Variants in NRXN1 observed in about 807,000 individuals in gnomAD.
NRXN1 encodes neurexin 1.
NRXN1 carries 39 observed loss-of-function variants against 150.9 expected under a neutral mutation model. The ratio of observed to expected loss-of-function variants is 0.26; its 90% confidence interval spans 0.20 to 0.34. NRXN1 has a LOEUF of 0.34. NRXN1 is among the 10% of genes least tolerant of loss of function. The probability of loss-of-function intolerance (pLI) is 1.00; values close to 1 mark genes in which losing one functional copy is unlikely to be tolerated. For missense variants in NRXN1, 1,815 were observed against 1,949.9 expected (o/e 0.93, Z 1.30); for synonymous variants, 924 against 757.0 (o/e 1.22, Z -3.62).
chr2:50,538,595 G>C lies in NRXN1; in HGVS notation c.1801C>G (p.Pro601Ala). 3.2e-6 allele frequency: 5 copies of C among 1,549,790 alleles called. No individual in the cohort carries two copies. The highest frequency in any genetic ancestry group is 4.4e-6 in the Non-Finnish European group (5 of 1,146,790). ...VNTLRTPYTAPGESEILDLDD... is the reference protein window; with the variant it reads ...VNTLRTPYTAAGESEILDLDD... ...AGGTCCAGAATCTCACTCTCACCAGGAGCAGTGTAGGGAGTACGCAACGTG... is the reference window on the plus strand; with the variant it reads ...AGGTCCAGAATCTCACTCTCACCAGCAGCAGTGTAGGGAGTACGCAACGTG... The change falls in exon 10 of 23, where the codon CCT (proline) becomes GCT (alanine). Residue 601 changes from proline (P) to alanine (A), a missense_variant. Physicochemically the swap from Pro to Ala is conservative, Grantham distance 27 (BLOSUM62 -1). This residue lies in a region of NRXN1 where 638 missense variants were observed against 652.6 expected (regional missense o/e 0.98). Transcript: ENST00000401669.
chr2:50,327,895 C>T (rs1008323179), intron 17 of NRXN1, among the ~76,000 whole-genome samples: 6 of 152,132 alleles, frequency 3.9e-5, no homozygotes, highest in Admixed American at 1.3e-4. Flanking sequence ...AGTAATCTCC[C>T]GCCTTGGCCT....
chr2:50,746,091 C>A (rs902273452), intron 5 of NRXN1, among the ~76,000 whole-genome samples: 30 of 152,110 alleles, frequency 2.0e-4, no homozygotes, highest in African/African-American at 7.0e-4. Context: ...TTTCTCCTGG[C>A]ACCCAAATTT....
chr2:50,263,830 A>T (rs2068564966), intron 17 of NRXN1, among the ~76,000 whole-genome samples: 1 of 152,130 alleles, frequency 6.6e-6, no homozygotes, highest in South Asian at 2.1e-4. Context: ...GAGTCAACAT[A>T]ACTTTGTATC....
At chr2:50,871,101 A>G (rs1328427973) in intron 5 of NRXN1, among the ~76,000 whole-genome samples, 2 of 151,890 alleles carry the variant, frequency 1.3e-5, no homozygotes, top group Admixed American at 1.3e-4. Flanking sequence ...TAATCAGAAA[A>G]GTCTATTAAT....
intron 17 of NRXN1, among the ~76,000 whole-genome samples, chr2:50,407,623 T>G (rs2082844831): frequency 6.6e-6 from 1 of 151,986 alleles, no homozygotes; most frequent in South Asian, 2.1e-4. Flanking sequence ...GATTAATGGG[T>G]CATCATGGGA....
At chr2:50,683,257 C>T (rs1690678899) in intron 5 of NRXN1, among the ~76,000 whole-genome samples, 2 of 151,866 alleles carry the variant, frequency 1.3e-5, no homozygotes, top group South Asian at 2.1e-4. Context: ...CTGTTGCTCT[C>T]GCATGGAAGT....
At chr2:50,500,026 G>A (rs2091866358) in intron 13 of NRXN1, among the ~76,000 whole-genome samples, 1 of 150,088 alleles carries the variant, frequency 6.7e-6, no homozygotes, top group Non-Finnish European at 1.5e-5. Flanking sequence ...ATTAAAATAT[G>A]AGCCTTAACT....
intron 17 of NRXN1, among the ~76,000 whole-genome samples, chr2:50,438,074 T>A (rs1157141691): frequency 6.6e-6 from 1 of 152,188 alleles, no homozygotes; most frequent in Non-Finnish European, 1.5e-5. Flanking sequence ...TTCTTCCACC[T>A]GGGGCTCTAT....
chr2:50,962,146 A>C (rs1377049668), intron 2 of NRXN1, among the ~76,000 whole-genome samples: 2 of 151,766 alleles, frequency 1.3e-5, no homozygotes, highest in East Asian at 1.9e-4. Context: ...TTGTATTGAG[A>C]GTTTCCCATA....
intron 17 of NRXN1, among the ~76,000 whole-genome samples, chr2:50,376,572 G>A (rs1381998298): frequency 1.3e-5 from 2 of 152,116 alleles, no homozygotes; most frequent in African/African-American, 2.4e-5. Context: ...GTGTTGCTCA[G>A]AAAGGTATGA....
chr2:50,579,740 AG>A (rs1671972504), intron 8 of NRXN1, among the ~76,000 whole-genome samples: 1 of 152,218 alleles, frequency 6.6e-6, no homozygotes, highest in Non-Finnish European at 1.5e-5. Flanking sequence ...AAGATTCACA[AG>A]GTTGCATTAT....
At chr2:50,661,094 T>C (rs1360595744) in intron 5 of NRXN1, among the ~76,000 whole-genome samples, 2 of 152,006 alleles carry the variant, frequency 1.3e-5, no homozygotes, top group Admixed American at 6.6e-5. Context: ...CCCATATATA[T>C]ATACTAGTAT....
At chr2:51,018,564 C>T (rs1385092936) in intron 2 of NRXN1, among the ~76,000 whole-genome samples, 4 of 152,064 alleles carry the variant, frequency 2.6e-5, no homozygotes, top group Non-Finnish European at 5.9e-5. Context: ...GCCAAACACG[C>T]TTAGCCAAAA....
At chr2:50,586,805 T>G (rs1673186227) in intron 8 of NRXN1, among the ~76,000 whole-genome samples, 1 of 152,150 alleles carries the variant, frequency 6.6e-6, no homozygotes, top group Non-Finnish European at 1.5e-5. Context: ...GAGGTACAGG[T>G]AGATAAATGT....
chr2:50,995,354 T>C (rs925574642), intron 2 of NRXN1, among the ~76,000 whole-genome samples: 4 of 152,028 alleles, frequency 2.6e-5, no homozygotes, highest in Admixed American at 6.6e-5. Context: ...TCCCAGCACT[T>C]TGTGAGGCCG....
At chr2:50,763,165 T>C (rs183605052) in intron 5 of NRXN1, among the ~76,000 whole-genome samples, 4 of 152,106 alleles carry the variant, frequency 2.6e-5, no homozygotes, top group Non-Finnish European at 4.4e-5. Flanking sequence ...CCCAAGTTTC[T>C]GTAAGAATCG....
At chr2:50,208,717 A>T (rs2062794440) in intron 18 of NRXN1, among the ~76,000 whole-genome samples, 1 of 152,036 alleles carries the variant, frequency 6.6e-6, no homozygotes, top group African/African-American at 2.4e-5. Context: ...ACATTCAGGG[A>T]CAACAAGCAA....
intron 2 of NRXN1, among the ~76,000 whole-genome samples, chr2:50,973,476 C>T (rs1164559081): frequency 6.6e-6 from 1 of 152,154 alleles, no homozygotes; most frequent in Non-Finnish European, 1.5e-5. Flanking sequence ...GGAATGCCTA[C>T]TAAGTACACA....
intron 22 of NRXN1, among the ~76,000 whole-genome samples, chr2:49,928,206 C>T (rs912121444): frequency 5.3e-5 from 8 of 151,422 alleles, no homozygotes; most frequent in African/African-American, 1.7e-4. Context: ...ATGCCCAGCA[C>T]GCATCATTCT....
Sources: gnomAD v4.1 joint callset for allele counts (sites outside exome capture counted in the v4.1 genomes callset) on GRCh38, gnomAD v4.1.1 for gene constraint, gnomAD v4.1.1 regional missense constraint, MANE v1.5 for transcripts, NCBI Gene and HGNC (gene_info 2026-07-23, HGNC 2026-07-21) for gene names.